The following ERICH6 variants were observed in gnomAD, a reference collection of about 807,000 sequenced individuals.
The protein encoded by ERICH6 is glutamate rich 6.
ERICH6 carries 71 observed loss-of-function variants against 71.0 expected under a neutral mutation model. The ratio of observed to expected loss-of-function variants is 1.00; its 90% CI spans 0.83 to 1.22. The LOEUF is 1.22. ERICH6 is among the 50% of genes most tolerant of loss of function. The pLI is 0.00. For missense variants in ERICH6, 808 were observed against 797.2 expected, an observed-to-expected ratio of 1.01 and a Z score of -0.16; for synonymous variants, 262 against 278.4, an observed-to-expected ratio of 0.94 and a Z score of 0.59.
In ERICH6 at chr3:150,703,902, T is replaced by G; in HGVS notation, c.-4A>C. 1 of 1,613,338 alleles carries G rather than the reference T, an allele frequency of 6.2e-7. No homozygotes were observed. ...TAGGCGAGCGCAAGTGGGCCATGGC[T>G]GGCGGGAGGCGGGATTACAGCCAGC... On this transcript the variant is annotated 5_prime_UTR_variant, in exon 1 of 14. Coordinates refer to ENST00000295910, the MANE Select transcript of ERICH6 (RefSeq NM_152394.5).
Position 150,685,844 on chromosome 3 carries a change from G to C in ERICH6, c.681C>G (p.Phe227Leu), listed in dbSNP as rs778266148. ...TTAGAGAAGGCTCGAACAGTGTTAT[G>C]AAGTCTTCCTTAAACTAAATTTAAA... ...ILYELEFKED[F>L]ITLFEPSLRT... Residue 227 changes from phenylalanine to leucine, a missense_variant, in exon 6 of 14, where the codon TTC (phenylalanine) becomes TTG (leucine). By Grantham distance (22) the Phe-to-Leu change is conservative. Around this residue, in one of 3 missense-constraint regions of ERICH6, gnomAD observed 736 missense variants for 712.2 expected, o/e 1.03. Coordinates refer to ENST00000295910, the MANE Select transcript of ERICH6 (RefSeq NM_152394.5). 6.2e-7 allele frequency: 1 copy of C among 1,613,964 alleles called. No individual in the cohort carries two copies. Among genetic ancestry groups the C allele is most frequent in the Admixed American group, 1.7e-5 (1 of 59,978 alleles).
intron 11 of ERICH6, among the ~76,000 whole-genome samples, chr3:150,672,571 C>T (rs1450099454): frequency 2.6e-5 from 4 of 151,756 alleles, no homozygotes; most frequent in African/African-American, 9.7e-5. Flanking sequence ...GCACTACAGC[C>T]TAGGTGAGAC....
At chr3:150,680,613 C>T (rs1711870679) in intron 8 of ERICH6, 75 bp from the exon 9 acceptor site, 1 of 1,584,834 alleles carries the variant, frequency 6.3e-7, no homozygotes, top group African/African-American at 1.3e-5. Context: ...CAAAATTCAG[C>T]TGCTTAAATG....
At chr3:150,672,708 C>T (rs1399984210) in intron 11 of ERICH6, among the ~76,000 whole-genome samples, 1 of 148,636 alleles carries the variant, frequency 6.7e-6, no homozygotes, top group Non-Finnish European at 1.5e-5. Context: ...GAATTGTGTT[C>T]AGAATAGCCA....
At chr3:150,679,742 C>T (rs1323880709) in intron 9 of ERICH6, among the ~76,000 whole-genome samples, 1 of 152,188 alleles carries the variant, frequency 6.6e-6, no homozygotes, top group Non-Finnish European at 1.5e-5. Context: ...ACTGCTACCT[C>T]TGTCTCCCAG....
intron 9 of ERICH6, among the ~76,000 whole-genome samples, chr3:150,679,947 C>G (rs149180267): frequency 6.6e-6 from 1 of 151,604 alleles, no homozygotes. Flanking sequence ...CGTGAGCCAC[C>G]GCGCCCAGCC....
At chr3:150,679,056 A>T (rs1046562045) in intron 9 of ERICH6, among the ~76,000 whole-genome samples, 2 of 151,284 alleles carry the variant, frequency 1.3e-5, no homozygotes, top group Admixed American at 1.3e-4. Context: ...AAAAAAAAAA[A>T]AAGACAATTT....
rs1013403505 is a variant in ERICH6, at chr3:150,678,380, A to G, written c.1257+29T>C. On this transcript the variant is annotated intron_variant, in intron 10 of 13. Transcript: ENST00000295910. ...AGGTAAAACTGGTTTTTTTTAAAAT[A>G]GCAAGTAAAAAAATTACAAGTTCAT... 2.0e-6 allele frequency: 3 copies of G among 1,530,658 alleles called. No individual in the cohort carries two copies. In the African/African-American group the frequency reaches 4.2e-5, roughly 22 times the overall value. The allele number at this position is 1,530,658 out of a possible 1,614,324, so 94.8% of individuals were successfully genotyped here.
intron 8 of ERICH6, 112 bp from the exon 9 acceptor site, chr3:150,680,650 T>C (rs1711872049): frequency 6.4e-7 from 1 of 1,555,674 alleles, no homozygotes; most frequent in Non-Finnish European, 8.8e-7. Context: ...GATCTGTTAT[T>C]ACTTGTGAAT....
chr3:150,661,302 C>T (rs1727214749), intron 13 of ERICH6, among the ~76,000 whole-genome samples: 1 of 152,168 alleles, frequency 6.6e-6, no homozygotes, highest in African/African-American at 2.4e-5. Context: ...GGAGGCAGGC[C>T]CCTCACCTTT....
chr3:150,680,306 G>A (rs893717720), intron 9 of ERICH6, among the ~76,000 whole-genome samples, 162 bp downstream of exon 9: 5 of 152,118 alleles, frequency 3.3e-5, no homozygotes, highest in Non-Finnish European at 7.3e-5. Context: ...GGGCTCAAGC[G>A]ATTCTCCCAC....
At chr3:150,684,337 T>C (rs1016205614) in intron 6 of ERICH6, among the ~76,000 whole-genome samples, 1 of 152,224 alleles carries the variant, frequency 6.6e-6, no homozygotes, top group Non-Finnish European at 1.5e-5. Context: ...TTATATTACA[T>C]GATATACTTA....
chr3:150,683,678 C>T (rs975044083), intron 6 of ERICH6, among the ~76,000 whole-genome samples: 4 of 152,098 alleles, frequency 2.6e-5, no homozygotes, highest in Non-Finnish European at 4.4e-5. Flanking sequence ...TGCTTGAACC[C>T]GGGAGGCAGA....
chr3:150,686,379 A>T, intron 3 of ERICH6, 25 bp from the exon 4 acceptor site: 5 of 1,604,598 alleles, frequency 3.1e-6, no homozygotes, highest in Non-Finnish European at 4.3e-6. Context: ...TACATGTGTC[A>T]TCAATCTGAC....
chr3:150,698,206 A>C (rs61077912), intron 3 of ERICH6, among the ~76,000 whole-genome samples: 3,166 of 150,784 alleles, frequency 0.021, 99 homozygotes, highest in African/African-American at 0.073. Flanking sequence ...TTCACTTCCC[A>C]CACTTTAATA....
At chr3:150,684,193 C>T (rs115175190) in intron 6 of ERICH6, among the ~76,000 whole-genome samples, 1 of 152,080 alleles carries the variant, frequency 6.6e-6, no homozygotes, top group Non-Finnish European at 1.5e-5. Context: ...TCAGCCCACC[C>T]TGGGCAATAT....
chr3:150,697,561 T>C (rs140661743), intron 3 of ERICH6, among the ~76,000 whole-genome samples: 6 of 152,306 alleles, frequency 3.9e-5, no homozygotes, highest in Admixed American at 1.3e-4. Flanking sequence ...AGTCCTCATC[T>C]TCCTAACCTC....
In ERICH6 at chr3:150,678,408, C is replaced by A; in HGVS notation, c.1257+1G>T. 6.4e-7 allele frequency: 1 copy of A among 1,552,980 alleles called. No individual in the cohort carries two copies. Among genetic ancestry groups the A allele is most frequent in the Non-Finnish European group, 8.6e-7 (1 of 1,158,074 alleles). On this transcript the variant is annotated splice_donor_variant, in intron 10 of 13. Transcript: ENST00000295910. LOFTEE classifies it high-confidence loss of function. ...AAGTAAAAAAATTACAAGTTCATTA[C>A]CTTTCCACATGCTATCCGAGAATCA...
At chr3:150,687,780 A>C (rs1451577884) in intron 3 of ERICH6, among the ~76,000 whole-genome samples, 1 of 152,184 alleles carries the variant, frequency 6.6e-6, no homozygotes, top group East Asian at 1.9e-4. Context: ...TTTCTTAGCA[A>C]AGCCAGGAGA....
Sources: allele counts gnomAD v4.1 joint callset (sites outside exome capture counted in the v4.1 genomes callset), GRCh38; gene constraint gnomAD v4.1.1; regional missense constraint gnomAD v4.1.1; transcripts MANE v1.5; gene names NCBI Gene and HGNC (gene_info 2026-07-23, HGNC 2026-07-21).